RAB30: variants seen among roughly 807,000 people sequenced by gnomAD.
RAB30 encodes ras-related protein Rab-30.
RAB30 carries 9 observed loss-of-function variants against 25.1 expected under a neutral mutation model. The ratio of observed to expected loss-of-function variants is 0.36; its 90% confidence interval spans 0.22 to 0.63. The LOEUF (loss-of-function observed/expected upper bound fraction) is 0.63, where lower values mean the gene tolerates loss of function less well. Among genes scored for constraint, RAB30 ranks in the 20% least tolerant of loss-of-function variants. RAB30 has a pLI of 0.69. For synonymous variants in RAB30, 77 were observed against 86.4 expected (o/e 0.89, Z 0.60); for missense variants, 140 against 243.5 (o/e 0.58, Z 2.83).
At chr11:82,985,561 G>A (rs937918360) in intron 4 of RAB30, among the ~76,000 whole-genome samples, 2 of 151,766 alleles carry the variant, frequency 1.3e-5, no homozygotes, top group African/African-American at 4.8e-5. Flanking sequence ...TGACACCTTG[G>A]GGCGATAAAA....
At chr11:82,988,373 A>G (rs901004606) in intron 3 of RAB30, among the ~76,000 whole-genome samples, 1 of 152,218 alleles carries the variant, frequency 6.6e-6, no homozygotes, top group African/African-American at 2.4e-5. Context: ...GGGAGAGCCA[A>G]CCTCACCACT....
At chr11:83,051,389 T>C (rs1858354504) in intron 1 of RAB30, among the ~76,000 whole-genome samples, 1 of 152,228 alleles carries the variant, frequency 6.6e-6, no homozygotes, top group South Asian at 2.1e-4. Context: ...CCTGTTCTTT[T>C]CATGGTTACA....
At chr11:83,065,451 G>T (rs1178966422) in intron 1 of RAB30, among the ~76,000 whole-genome samples, 1 of 152,110 alleles carries the variant, frequency 6.6e-6, no homozygotes, top group East Asian at 1.9e-4. Context: ...GGAGAAGACA[G>T]AGTCTCCCTA....
chr11:82,986,901 T>C (rs1856748334), intron 4 of RAB30: 3 of 152,202 alleles, frequency 2.0e-5, no homozygotes. Context: ...CTAATTCAGG[T>C]ATTGCTAGAC....
intron 1 of RAB30, among the ~76,000 whole-genome samples, chr11:83,050,255 TA>T (rs778777977): frequency 1.5e-3 from 220 of 143,194 alleles, no homozygotes; most frequent in Non-Finnish European, 1.4e-3. Flanking sequence ...GACCATGTCT[TA>T]AAAAAAAAAA....
intron 1 of RAB30, among the ~76,000 whole-genome samples, chr11:83,028,826 C>T (rs1335990645): frequency 6.6e-6 from 1 of 152,178 alleles, no homozygotes; most frequent in African/African-American, 2.4e-5. Flanking sequence ...TGCTTAAGCG[C>T]AGCAGTTTGG....
At chr11:82,992,188 TCCTCCCATCAATG>T (rs2121452377) in intron 3 of RAB30, 2 of 385,136 alleles carry the variant, frequency 5.2e-6, no homozygotes, top group South Asian at 3.9e-5. Flanking sequence ...TACAAAAGGC[TCCTCCCATCAATG>T]CCTCCTGAGC....
chr11:82,989,860 G>A (rs185886210), intron 3 of RAB30, among the ~76,000 whole-genome samples: 16 of 152,270 alleles, frequency 1.1e-4, no homozygotes, highest in East Asian at 5.8e-4. Flanking sequence ...ATTCATTTGC[G>A]CCTTTCGGCA....
intron 1 of RAB30, among the ~76,000 whole-genome samples, chr11:83,059,005 C>T (rs893371540): frequency 2.6e-5 from 4 of 152,234 alleles, no homozygotes; most frequent in Admixed American, 6.5e-5. Flanking sequence ...TGCAATGGCA[C>T]GATCTTGGCT....
intron 4 of RAB30, among the ~76,000 whole-genome samples, chr11:82,984,025 G>T (rs914043566): frequency 6.6e-6 from 1 of 152,102 alleles, no homozygotes; most frequent in Admixed American, 6.5e-5. Flanking sequence ...CTGCAGTCCT[G>T]AATTATAAAT....
chr11:83,012,003 G>A (rs975649215), intron 1 of RAB30, among the ~76,000 whole-genome samples: 2 of 152,198 alleles, frequency 1.3e-5, no homozygotes, highest in Admixed American at 6.5e-5. Context: ...GGGAGGCTGA[G>A]TCTGTTGTCA....
At chr11:82,986,926 C>T (rs1448181628) in intron 4 of RAB30, 1 of 152,172 alleles carries the variant, frequency 6.6e-6, no homozygotes, top group East Asian at 1.9e-4. Flanking sequence ...TAGGAACGTT[C>T]CTTTCTAGGA....
chr11:83,065,794 C>A (rs1858682575), intron 1 of RAB30, among the ~76,000 whole-genome samples: 1 of 152,204 alleles, frequency 6.6e-6, no homozygotes, highest in Non-Finnish European at 1.5e-5. Flanking sequence ...ACATTTAAAA[C>A]ACATGATCTC....
rs1249754994 is a variant in RAB30, at chr11:83,038,308, G to A, written c.-9+33383C>T. On this transcript the variant is annotated intron_variant, in intron 1 of 4. Transcript: ENST00000527633. ...AAAGTGACTCCTAGTTCATTTCTAA[G>A]TGTCAAACAAGATGCTGAAAGGCTT... is the stretch of plus-strand genomic sequence containing the variant. Among the ~76,000 whole-genome samples, 7 of 152,296 alleles carry A rather than the reference G, an allele frequency of 4.6e-5. No individual in the cohort carries two copies. In the East Asian group the frequency reaches 1.4e-3, roughly 29 times the overall value.
chr11:82,978,546 G>T lies in RAB30; in HGVS notation c.*3619C>A, dbSNP rs758939853. 2 of 151,738 alleles carry T rather than the reference G, an allele frequency of 1.3e-5. No homozygotes were observed. Among genetic ancestry groups the T allele is most frequent in the African/African-American group, 2.4e-5 (1 of 41,358 alleles). 9.4% of individuals were successfully genotyped at this position (151,738 alleles called of 1,614,324 possible). On this transcript the variant is annotated 3_prime_UTR_variant, in exon 5 of 5. Transcript: ENST00000527633. Reference sequence around the variant, plus strand: ...TGTGCTATTTCATTCATGTGGCTTGGCTTAAAAGAAGATGTTTCACTTTAG... The same window carrying T: ...TGTGCTATTTCATTCATGTGGCTTGTCTTAAAAGAAGATGTTTCACTTTAG...
intron 4 of RAB30, among the ~76,000 whole-genome samples, chr11:82,984,310 A>T (rs1856697300): frequency 6.6e-6 from 1 of 152,208 alleles, no homozygotes; most frequent in South Asian, 2.1e-4. Context: ...TGGAGTTGTT[A>T]TAATAGATTT....
intron 1 of RAB30, among the ~76,000 whole-genome samples, chr11:83,044,759 C>T (rs1858200766): frequency 6.6e-6 from 1 of 152,148 alleles, no homozygotes; most frequent in Admixed American, 6.5e-5. Flanking sequence ...GCCAAATCCA[C>T]CCCTCATTTT....
At chr11:83,020,636 G>C (rs997020234) in intron 1 of RAB30, among the ~76,000 whole-genome samples, 2 of 152,186 alleles carry the variant, frequency 1.3e-5, no homozygotes, top group African/African-American at 4.8e-5. Context: ...CACAAACCAG[G>C]GTGGCGATTT....
chr11:83,065,020 T>C (rs1858663769), intron 1 of RAB30, among the ~76,000 whole-genome samples: 1 of 152,214 alleles, frequency 6.6e-6, no homozygotes. Context: ...GTGACATTTT[T>C]GAAGATCATA....
Sources: gnomAD v4.1 joint callset for allele counts (sites outside exome capture counted in the v4.1 genomes callset) on GRCh38, gnomAD v4.1.1 for gene constraint, MANE v1.5 for transcripts, NCBI Gene and HGNC (gene_info 2026-07-23, HGNC 2026-07-21) for gene names.